FILIP1L: variants seen among roughly 807,000 people sequenced by gnomAD.
FILIP1L encodes filamin A interacting protein 1 like, also known as filamin A-interacting protein 1-like.
Under a neutral mutation model 96.6 loss-of-function variants are expected in FILIP1L, and 55 were observed. The ratio of observed to expected loss-of-function variants is 0.57; its 90% confidence interval spans 0.46 to 0.71. The LOEUF is 0.71. Among genes scored for constraint, FILIP1L ranks in the 30% least tolerant of loss-of-function variants. The pLI, the probability that FILIP1L is intolerant of heterozygous loss-of-function variation, is 0.00. For missense variants in FILIP1L, 1,304 were observed against 1,321.2 expected, an observed-to-expected ratio of 0.99 and a Z score of 0.20; for synonymous variants, 467 against 473.9, an observed-to-expected ratio of 0.99 and a Z score of 0.19.
chr3:99,895,679 G>A (rs1269108656), intron 4 of FILIP1L, among the ~76,000 whole-genome samples: 1 of 152,114 alleles, frequency 6.6e-6, no homozygotes, highest in Non-Finnish European at 1.5e-5. Flanking sequence ...CACTGTACAT[G>A]TAATACCACA....
intron 4 of FILIP1L, among the ~76,000 whole-genome samples, chr3:99,881,879 T>A (rs1487053621): frequency 2.6e-5 from 4 of 152,150 alleles, no homozygotes; most frequent in Admixed American, 1.3e-4. Context: ...ACTGACAGAT[T>A]TTCCCATGTA....
intron 1 of FILIP1L, among the ~76,000 whole-genome samples, chr3:100,075,387 G>T (rs1444670392): frequency 6.6e-6 from 1 of 152,176 alleles, no homozygotes; most frequent in Admixed American, 6.5e-5. Flanking sequence ...AAGGGCTTAT[G>T]ATAACGAGCA....
chr3:99,875,728 T>A (rs1323498234), intron 4 of FILIP1L, among the ~76,000 whole-genome samples: 1 of 152,188 alleles, frequency 6.6e-6, no homozygotes, highest in African/African-American at 2.4e-5. Flanking sequence ...ATAGGGTTGC[T>A]GCAGTACAAT....
chr3:99,858,368 G>T (rs1474359330), intron 4 of FILIP1L, among the ~76,000 whole-genome samples: 1 of 152,084 alleles, frequency 6.6e-6, no homozygotes, highest in Admixed American at 6.5e-5. Context: ...GGGAGGCTGA[G>T]GCAGGAGAAT....
At chr3:100,072,395 G>A (rs1480871878) in intron 1 of FILIP1L, among the ~76,000 whole-genome samples, 1 of 152,218 alleles carries the variant, frequency 6.6e-6, no homozygotes, top group Non-Finnish European at 1.5e-5. Flanking sequence ...CAGGCTTGGA[G>A]CTCAAGTAAC....
chr3:99,923,927 A>G (rs1293147728), intron 4 of FILIP1L, among the ~76,000 whole-genome samples: 1 of 152,140 alleles, frequency 6.6e-6, no homozygotes, highest in Non-Finnish European at 1.5e-5. Context: ...TGCCATGAAT[A>G]TGGTTTTCAT....
At chr3:100,062,093 CTTTTTTTTTTTTTTT>C (rs71907944) in intron 1 of FILIP1L, among the ~76,000 whole-genome samples, 16 of 53,178 alleles carry the variant, frequency 3.0e-4, no homozygotes, top group African/African-American at 8.0e-4. Flanking sequence ...CTGTCTTCTT[CTTTTTTTTTTTTTTT>C]TTTTTTTTTT....
At position 99,849,139 on chromosome 3, in the gene FILIP1L, G is replaced by A. The variant is rs771516420; in HGVS notation, c.2537C>T (p.Ser846Phe). 2 of 1,614,132 alleles carry A rather than the reference G, an allele frequency of 1.2e-6. No homozygotes were observed. The highest frequency in any genetic ancestry group is 2.2e-5 in the South Asian group (2 of 91,076). The change falls in exon 5 of 6, where the codon TCC (serine) becomes TTC (phenylalanine). Residue 846 changes from serine (S) to phenylalanine (F), a missense_variant. Ser to Phe is a radical substitution (Grantham distance 155). Transcript: ENST00000477258. Reference protein sequence around the residue: ...EDPNDEGSVLSFKCSQSTPCP... With the variant: ...EDPNDEGSVLFFKCSQSTPCP... ...TGGAGTAGACTGGCTGCATTTGAAGGACAGCACAGATCCCTCATCATTAGG... is the reference window on the plus strand; with the variant it reads ...TGGAGTAGACTGGCTGCATTTGAAGAACAGCACAGATCCCTCATCATTAGG...
intron 4 of FILIP1L, among the ~76,000 whole-genome samples, chr3:99,867,243 C>T (rs1944563949): frequency 6.6e-6 from 1 of 152,132 alleles, no homozygotes; most frequent in African/African-American, 2.4e-5. Context: ...GCAGGAGTTT[C>T]ACCCATTTAG....
At chr3:99,879,955 G>A (rs944676434) in intron 4 of FILIP1L, among the ~76,000 whole-genome samples, 3 of 152,024 alleles carry the variant, frequency 2.0e-5, no homozygotes, top group Non-Finnish European at 2.9e-5. Context: ...ATGAGCTTTC[G>A]GTGTTTATTG....
chr3:100,050,941 T>TC (rs1437693037), intron 1 of FILIP1L, among the ~76,000 whole-genome samples: 1 of 152,216 alleles, frequency 6.6e-6, no homozygotes, highest in Admixed American at 6.5e-5. Context: ...AAGAATTTGA[T>TC]CCAAAAGTCA....
intron 4 of FILIP1L, chr3:99,874,608 G>A (rs1394740505): frequency 6.6e-6 from 1 of 152,046 alleles, no homozygotes; most frequent in Non-Finnish European, 1.5e-5. Flanking sequence ...AACCAAAGTC[G>A]TGCATTGCTC....
chr3:100,111,558 G>C (rs1212785731), intron 1 of FILIP1L, among the ~76,000 whole-genome samples: 1 of 152,128 alleles, frequency 6.6e-6, no homozygotes, highest in African/African-American at 2.4e-5. Flanking sequence ...ATTATGAAAA[G>C]TCTCCTCAAC....
intron 4 of FILIP1L, among the ~76,000 whole-genome samples, chr3:99,893,608 AG>A (rs1302348373): frequency 2.0e-5 from 3 of 152,190 alleles, no homozygotes; most frequent in Non-Finnish European, 4.4e-5. Context: ...ACTATCATGT[AG>A]GTATCTAAGA....
chr3:100,055,028 C>T (rs1028740568), intron 1 of FILIP1L, among the ~76,000 whole-genome samples: 7 of 152,150 alleles, frequency 4.6e-5, no homozygotes, highest in Admixed American at 2.6e-4. Context: ...GTGCTTTACC[C>T]TTTACCTCCT....
chr3:99,940,619 G>A (rs1432860244), intron 1 of FILIP1L, among the ~76,000 whole-genome samples: 1 of 152,158 alleles, frequency 6.6e-6, no homozygotes. Context: ...TTGTTCATAG[G>A]CCAACCCCTG....
intron 4 of FILIP1L, among the ~76,000 whole-genome samples, chr3:99,887,477 A>G (rs1033836261): frequency 4.5e-4 from 68 of 152,172 alleles, no homozygotes; most frequent in African/African-American, 1.6e-3. Flanking sequence ...TATCACAGCC[A>G]TGACTGAGAG....
chr3:100,090,271 C>G (rs2066081357), intron 1 of FILIP1L, among the ~76,000 whole-genome samples: 1 of 152,112 alleles, frequency 6.6e-6, no homozygotes, highest in Admixed American at 6.5e-5. Context: ...TTTAACTGTC[C>G]CGATCTTCTG....
At chr3:99,916,322 T>C (rs1283631481) in intron 4 of FILIP1L, among the ~76,000 whole-genome samples, 1 of 152,160 alleles carries the variant, frequency 6.6e-6, no homozygotes, top group Non-Finnish European at 1.5e-5. Flanking sequence ...TTTCTAGCTT[T>C]CAGGTCTTTC....
Sources: allele counts gnomAD v4.1 joint callset (sites outside exome capture counted in the v4.1 genomes callset), GRCh38; gene constraint gnomAD v4.1.1; transcripts MANE v1.5; gene names NCBI Gene and HGNC (gene_info 2026-07-23, HGNC 2026-07-21).